MAGI2: variants seen among roughly 807,000 people sequenced by gnomAD.
MAGI2 encodes the protein membrane-associated guanylate kinase, WW and PDZ domain-containing protein 2.
Under a neutral mutation model 133.3 loss-of-function variants are expected in MAGI2, and 35 were observed. That is an observed-to-expected ratio of 0.26 (90% confidence interval 0.20 to 0.35). The LOEUF (loss-of-function observed/expected upper bound fraction) is 0.35. Among genes scored for constraint, MAGI2 ranks in the 10% least tolerant of loss-of-function variants. MAGI2 has a pLI of 1.00. For missense variants in MAGI2, 1,636 were observed against 1,863.4 expected, an observed-to-expected ratio of 0.88 and a Z score of 2.25; for synonymous variants, 729 against 710.6, an observed-to-expected ratio of 1.03 and a Z score of -0.41.
chr7:79,434,044 A>G (rs144273277), intron 1 of MAGI2, among the ~76,000 whole-genome samples: 42 of 152,182 alleles, frequency 2.8e-4, no homozygotes, highest in African/African-American at 9.6e-4. Context: ...TATTTTCCTT[A>G]GTTCTCAAAT....
At chr7:79,131,040 G>T in intron 1 of MAGI2, among the ~76,000 whole-genome samples, 1 of 152,124 alleles carries the variant, frequency 6.6e-6, no homozygotes, top group Non-Finnish European at 1.5e-5. Context: ...TACAATGCAA[G>T]GTGTTAAGTG....
In MAGI2 at chr7:79,384,300, A is replaced by G. The variant is rs368188367; in HGVS notation, c.301+68720T>C. Among the ~76,000 whole-genome samples the G allele has an allele frequency of 5.3e-5, 8 of 151,494 alleles. No homozygotes were observed. In the East Asian group the frequency reaches 1.2e-3, roughly 22 times the overall value. ...CCATATAAAGCTTATGGTTACAAAG[A>G]TGGATTGAAGTGACCAATTTGCTTC... On this transcript the variant is annotated intron_variant, in intron 1 of 21. Transcript: ENST00000354212.
Position 79,417,406 on chromosome 7 carries a change from T to C in MAGI2, c.301+35614A>G, listed in dbSNP as rs934387573. On this transcript the variant is annotated intron_variant, in intron 1 of 21. Transcript: ENST00000354212. ...CTCTGTTTACCAAGGTTTTGGGTAC[T>C]TATCTTTGCATTCATATCTTGAATA... is the stretch of plus-strand genomic sequence containing the variant. Among the ~76,000 whole-genome samples, 3 of 152,170 alleles carry C rather than the reference T, an allele frequency of 2.0e-5. No homozygotes were observed. The South Asian group carries it at 6.2e-4, about 31-fold the overall frequency.
chr7:78,232,036 C>T (rs35562412), intron 10 of MAGI2, among the ~76,000 whole-genome samples: 46,887 of 151,268 alleles, frequency 0.31, 8,502 homozygotes, highest in Non-Finnish European at 0.4. Flanking sequence ...GGAACCATTG[C>T]TAAGAGGTAT....
intron 2 of MAGI2, among the ~76,000 whole-genome samples, chr7:78,648,945 C>G (rs973279227): frequency 6.6e-6 from 1 of 151,964 alleles, no homozygotes; most frequent in African/African-American, 2.4e-5. Flanking sequence ...ACAATTTTCA[C>G]CCTGGGTGAC....
intron 4 of MAGI2, among the ~76,000 whole-genome samples, chr7:78,515,328 A>G (rs925941351): frequency 6.6e-6 from 1 of 152,170 alleles, no homozygotes; most frequent in Admixed American, 6.5e-5. Flanking sequence ...CTCTAAGAAT[A>G]TGTATTTTAA....
intron 3 of MAGI2, among the ~76,000 whole-genome samples, chr7:78,621,799 T>C (rs969196901): frequency 1.3e-5 from 2 of 152,034 alleles, no homozygotes; most frequent in South Asian, 2.1e-4. Flanking sequence ...GGACAATCTA[T>C]CTGATTTCTA....
At chr7:79,090,999 T>C (rs1816997711) in intron 1 of MAGI2, among the ~76,000 whole-genome samples, 1 of 151,678 alleles carries the variant, frequency 6.6e-6, no homozygotes. Context: ...AGAGCCTTTT[T>C]TTTTCCTTTA....
chr7:78,942,245 G>T (rs552704549), intron 2 of MAGI2, among the ~76,000 whole-genome samples: 3 of 151,776 alleles, frequency 2.0e-5, no homozygotes, highest in Non-Finnish European at 4.4e-5. Context: ...CTTTTTATTG[G>T]TTATGAAGTT....
chr7:78,361,006 C>T (rs1792723469), intron 7 of MAGI2, among the ~76,000 whole-genome samples: 1 of 152,116 alleles, frequency 6.6e-6, no homozygotes, highest in South Asian at 2.1e-4. Flanking sequence ...CAGGAAGTTT[C>T]CCTGCTTCTG....
chr7:78,274,822 G>C (rs1794906670), intron 9 of MAGI2, among the ~76,000 whole-genome samples: 1 of 152,178 alleles, frequency 6.6e-6, no homozygotes, highest in Non-Finnish European at 1.5e-5. Context: ...GTCAGGGTCA[G>C]ACTGCTGTGC....
chr7:78,902,656 A>G (rs529487519), intron 2 of MAGI2: 1 of 152,308 alleles, frequency 6.6e-6, no homozygotes, highest in Non-Finnish European at 1.5e-5. Context: ...GAAAATCAAT[A>G]GAACTTTTCA....
Position 78,427,152 on chromosome 7 carries a change from T to A in MAGI2, c.1046-57939A>T, listed in dbSNP as rs1156886972. On this transcript the variant is annotated intron_variant, in intron 6 of 21. Coordinates refer to ENST00000354212, the MANE Select transcript of MAGI2 (RefSeq NM_012301.4). ...ATTCAATTAGAAGAGGAATTCAAAT[T>A]CAAGAGAGCAGAAATAGAGGAAAAA... Among the ~76,000 whole-genome samples, 5 of 151,716 alleles carry A rather than the reference T, an allele frequency of 3.3e-5. No homozygotes were observed. The South Asian group carries it at 8.3e-4, about 25-fold the overall frequency.
intron 2 of MAGI2, among the ~76,000 whole-genome samples, chr7:78,977,573 T>C (rs1029151758): frequency 6.6e-6 from 1 of 151,470 alleles, no homozygotes; most frequent in Non-Finnish European, 1.5e-5. Flanking sequence ...TAAAATGTAA[T>C]GAAATAAAAA....
At position 79,453,310 on chromosome 7, in the gene MAGI2, C is replaced by T; in HGVS notation, c.11G>A (p.Ser4Asn). 1 of 1,610,126 alleles carries T rather than the reference C, an allele frequency of 6.2e-7. No individual in the cohort carries two copies. ...AGTCCAGTGGCTTTTCTTTTTCAAGCTTTTGGACATGGCAGTGGGGCGAGT... is the reference window on the plus strand; with the variant it reads ...AGTCCAGTGGCTTTTCTTTTTCAAGTTTTTGGACATGGCAGTGGGGCGAGT... MSK[S>N]LKKKSHWTSK... is the part of the protein sequence containing the mutation. Residue 4 changes from serine to asparagine, a missense_variant, in exon 1 of 22, where the codon AGC becomes AAC. Ser to Asn is a conservative substitution (Grantham distance 46). Coordinates refer to ENST00000354212, the MANE Select transcript of MAGI2 (RefSeq NM_012301.4).
At chr7:78,905,623 G>A (rs1797940373) in intron 2 of MAGI2, among the ~76,000 whole-genome samples, 1 of 152,118 alleles carries the variant, frequency 6.6e-6, no homozygotes, top group Non-Finnish European at 1.5e-5. Context: ...TAGATGTCAG[G>A]CTGATTGTAG....
At chr7:78,816,543 C>G (rs1407985989) in intron 2 of MAGI2, among the ~76,000 whole-genome samples, 1 of 152,144 alleles carries the variant, frequency 6.6e-6, no homozygotes, top group Non-Finnish European at 1.5e-5. Context: ...AAGGGCTAAT[C>G]CAGCTGGTGA....
chr7:78,757,319 CT>C (rs1824056905), intron 2 of MAGI2, among the ~76,000 whole-genome samples: 1 of 151,198 alleles, frequency 6.6e-6, no homozygotes. Context: ...CTCTCTCTCT[CT>C]CTCTCTCCAT....
intron 2 of MAGI2, among the ~76,000 whole-genome samples, chr7:78,970,267 C>G (rs987435): frequency 0.41 from 61,547 of 151,836 alleles, 14,570 homozygotes; most frequent in East Asian, 0.54. Flanking sequence ...AAGCAAGTGA[C>G]TTATTTTATT....
Sources: allele counts gnomAD v4.1 joint callset (sites outside exome capture counted in the v4.1 genomes callset), GRCh38; gene constraint gnomAD v4.1.1; transcripts MANE v1.5; gene names NCBI Gene and HGNC (gene_info 2026-07-23, HGNC 2026-07-21).